The following WDR64 variants were observed in gnomAD, a reference collection of about 807,000 sequenced individuals.
WDR64 encodes WD repeat domain 64.
WDR64 carries 112 observed loss-of-function variants against 139.3 expected under a neutral mutation model. That is an observed-to-expected ratio of 0.80 (90% CI 0.69 to 0.94). WDR64 has a LOEUF of 0.94. WDR64 is among the 40% of genes least tolerant of loss of function. The pLI is 0.00. For synonymous variants in WDR64, 444 were observed against 437.7 expected (o/e 1.01, Z -0.18); for missense variants, 1,206 against 1,293.1 (o/e 0.93, Z 1.03).
chr1:241,741,445 C>T, intron 11 of WDR64, 71 bp from the exon 12 acceptor site: 2 of 1,432,008 alleles, frequency 1.4e-6, no homozygotes, highest in Non-Finnish European at 1.9e-6. Context: ...AACCCAACTG[C>T]TTGGCTGAAA....
chr1:241,665,304 C>A (rs940479211), intron 2 of WDR64, among the ~76,000 whole-genome samples: 68 of 152,296 alleles, frequency 4.5e-4, no homozygotes, highest in African/African-American at 1.6e-3. Flanking sequence ...ATTTCTATTT[C>A]AAGCCATGTG....
At chr1:241,775,313 G>C (rs1047725374) in intron 21 of WDR64, 103 bp downstream of exon 21, 13 of 826,430 alleles carry the variant, frequency 1.6e-5, no homozygotes, top group African/African-American at 1.4e-4. Flanking sequence ...AAACAAAAGA[G>C]AGACTAAGAG....
intron 13 of WDR64, among the ~76,000 whole-genome samples, chr1:241,747,466 T>C (rs1453619611): frequency 6.6e-6 from 1 of 152,202 alleles, no homozygotes; most frequent in Non-Finnish European, 1.5e-5. Context: ...TTTCTTTTTA[T>C]TTTTCAAAGT....
chr1:241,686,399 T>G (rs1389861773), intron 7 of WDR64, among the ~76,000 whole-genome samples: 1 of 152,100 alleles, frequency 6.6e-6, no homozygotes, highest in African/African-American at 2.4e-5. Context: ...AATAGAAAGC[T>G]CCCTCCCCAC....
intron 15 of WDR64, among the ~76,000 whole-genome samples, chr1:241,764,451 G>A (rs906205198): frequency 3.3e-5 from 5 of 152,192 alleles, no homozygotes; most frequent in South Asian, 4.2e-4. Context: ...CCAGGAGTTC[G>A]AGGCCAGCCT....
intron 9 of WDR64, 73 bp from the exon 10 acceptor site, chr1:241,723,224 A>G (rs529264409): frequency 2.9e-5 from 45 of 1,567,028 alleles, no homozygotes; most frequent in Non-Finnish European, 3.8e-5. Flanking sequence ...TACGGGTATG[A>G]TACAGTGAGA....
At chr1:241,794,479 T>A (rs1305924739) in intron 25 of WDR64, among the ~76,000 whole-genome samples, 5 of 149,316 alleles carry the variant, frequency 3.3e-5, no homozygotes, top group African/African-American at 1.2e-4. Context: ...AATAATTGAA[T>A]GCCCCACATA....
intron 3 of WDR64, 133 bp downstream of exon 3, chr1:241,671,309 G>C: frequency 1.6e-6 from 1 of 633,858 alleles, no homozygotes; most frequent in Non-Finnish European, 2.6e-6. Flanking sequence ...AGGTGTCGGG[G>C]GTGGTGAGAG....
At chr1:241,778,119 A>G (rs1553380757) in intron 21 of WDR64, among the ~76,000 whole-genome samples, 1 of 152,150 alleles carries the variant, frequency 6.6e-6, no homozygotes, top group Non-Finnish European at 1.5e-5. Context: ...GTTGAAGTCT[A>G]TAACTATAAT....
intron 15 of WDR64, among the ~76,000 whole-genome samples, chr1:241,763,795 T>C (rs1000595246): frequency 2.0e-5 from 3 of 152,202 alleles, no homozygotes; most frequent in Non-Finnish European, 4.4e-5. Context: ...AAGCACTTTT[T>C]ATTGAATACC....
chr1:241,702,262 G>A (rs1667745329), intron 8 of WDR64, among the ~76,000 whole-genome samples: 1 of 151,900 alleles, frequency 6.6e-6, no homozygotes. Flanking sequence ...GTTGCCCTTG[G>A]TAAGGTTGCT....
rs556392615 is a variant in WDR64 at position 241,796,401 on chromosome 1, C to T, written c.3192+31C>T. ...TTAGTACTAATTCCACCGTTAACTC[C>T]AATTTCAGTGTATCCTATTTCTGTT... On this transcript the variant is annotated intron_variant, in intron 27 of 27. Transcript: ENST00000437684. 4.3e-6 allele frequency: 6 copies of T among 1,386,556 alleles called. No homozygotes were observed. The South Asian group carries it at 7.3e-5, about 17-fold the overall frequency. The allele number at this position is 1,386,556 out of a possible 1,614,324, so 85.9% of individuals were successfully genotyped here. A position where few individuals can be genotyped will look rare whatever the true frequency, so the allele number is the denominator to read the frequency against.
rs866117701 is a variant in WDR64 at position 241,782,649 on chromosome 1, C to T, written c.2596-623C>T. Among the ~76,000 whole-genome samples the T allele has an allele frequency of 2.4e-4, 37 of 152,292 alleles. No individual in the cohort carries two copies. The Middle Eastern group carries it at 0.01, about 42-fold the overall frequency. On this transcript the variant is annotated intron_variant, in intron 22 of 27. Coordinates refer to ENST00000437684, the MANE Select transcript of WDR64 (RefSeq NM_001367482.1). ...GGCCCTAAACTTGAGGATAGCCACA[C>T]CCTGAAGAAACATAAACAATGAAGC... is the stretch of plus-strand genomic sequence containing the variant.
chr1:241,746,062 T>C (rs941429825), intron 13 of WDR64, among the ~76,000 whole-genome samples: 1 of 152,180 alleles, frequency 6.6e-6, no homozygotes, highest in African/African-American at 2.4e-5. Flanking sequence ...GTAGGCACTA[T>C]GATTATTCAT....
intron 15 of WDR64, among the ~76,000 whole-genome samples, chr1:241,760,852 G>A (rs140008011): frequency 0.013 from 1,691 of 135,024 alleles, 32 homozygotes; most frequent in African/African-American, 0.045. Context: ...TGCAAGCTCC[G>A]CCTCTTGGGT....
chr1:241,691,197 T>C (rs1667263375), intron 8 of WDR64, among the ~76,000 whole-genome samples: 2 of 152,126 alleles, frequency 1.3e-5, no homozygotes, highest in African/African-American at 2.4e-5. Flanking sequence ...TGAAATCATG[T>C]AAAGTGTTTA....
At chr1:241,782,294 G>T (rs1203775262) in intron 22 of WDR64, among the ~76,000 whole-genome samples, 1 of 152,032 alleles carries the variant, frequency 6.6e-6, no homozygotes, top group African/African-American at 2.4e-5. Context: ...CTCAAAAGAA[G>T]AAAAAAGAAC....
intron 8 of WDR64, among the ~76,000 whole-genome samples, chr1:241,692,845 T>G (rs901042310): frequency 2.6e-5 from 4 of 151,970 alleles, no homozygotes. Context: ...ATGAAGGAAA[T>G]GTAAATTAAA....
intron 11 of WDR64, among the ~76,000 whole-genome samples, chr1:241,740,124 C>T (rs1669478618): frequency 6.6e-6 from 1 of 152,150 alleles, no homozygotes; most frequent in Admixed American, 6.5e-5. Context: ...TGACTAGTGG[C>T]AGGACACAAG....
Sources: gnomAD v4.1 joint callset for allele counts (sites outside exome capture counted in the v4.1 genomes callset) on GRCh38, gnomAD v4.1.1 for gene constraint, MANE v1.5 for transcripts, NCBI Gene and HGNC (gene_info 2026-07-23, HGNC 2026-07-21) for gene names.